RNF32: variants seen among roughly 807,000 people sequenced by gnomAD.
RNF32 encodes the protein ring finger protein 32.
In RNF32, 36 loss-of-function variants were observed where a neutral mutation model predicts 41.0. The ratio of observed to expected loss-of-function variants is 0.88; its 90% confidence interval spans 0.67 to 1.16. The LOEUF is 1.16. RNF32 is among the 50% of genes most tolerant of loss of function. The pLI is 0.00. For missense variants in RNF32, 413 were observed against 436.7 expected (o/e 0.95, Z 0.48); for synonymous variants, 154 against 160.9 (o/e 0.96, Z 0.32).
intron 3 of RNF32, among the ~76,000 whole-genome samples, chr7:156,648,914 A>T (rs1158167067): frequency 6.6e-6 from 1 of 152,058 alleles, no homozygotes; most frequent in African/African-American, 2.4e-5. Flanking sequence ...CTTTAGATAT[A>T]CTTCACCATT....
Position 156,653,766 on chromosome 7 carries a change from C to A in RNF32, c.275-810C>A, listed in dbSNP as rs572336413. 1.8e-4 allele frequency among the ~76,000 whole-genome samples: 27 copies of A among 152,236 alleles called. No individual in the cohort carries two copies. In the South Asian group the frequency reaches 3.9e-3, roughly 22 times the overall value. On this transcript the variant is annotated intron_variant, in intron 3 of 8. Transcript: ENST00000317955. The stretch of plus-strand genomic sequence containing the variant: ...CGAGACAGCACATGGTGGGTACCCA[C>A]GTGTTATTGAAATAAGAACTTTATT...
rs1359008848 is a variant in RNF32, at chr7:156,669,006, A to G, written c.685-6690A>G. The G allele has an allele frequency of 1.3e-5, 2 of 152,274 alleles. No individual in the cohort carries two copies. The highest frequency in any genetic ancestry group is 2.1e-4 in the South Asian group (1 of 4,828). The allele number at this position is 152,274 out of a possible 1,614,324, so 9.4% of individuals were successfully genotyped here. A position where few individuals can be genotyped will look rare whatever the true frequency, so the allele number is the denominator to read the frequency against. On this transcript the variant is annotated intron_variant, in intron 7 of 8. Transcript: ENST00000317955. The surrounding 1 kb of genome is among the most constrained non-coding windows in gnomAD (Gnocchi z 4.2). ...AGGAAGAAAAAAGTATGAATTGTTAATAAGTGTAAAAATGATATTTGGTTA... is the reference window on the plus strand; with the variant it reads ...AGGAAGAAAAAAGTATGAATTGTTAGTAAGTGTAAAAATGATATTTGGTTA...
In RNF32 at chr7:156,644,502, C is replaced by A; in HGVS notation, c.19C>A (p.His7Asn). The A allele has an allele frequency of 6.2e-7, 1 of 1,607,432 alleles. No individual in the cohort carries two copies. Among genetic ancestry groups the A allele is most frequent in the South Asian group, 1.1e-5 (1 of 90,448 alleles). The change falls in exon 3 of 9, where the codon CAC (histidine) becomes AAC (asparagine). Residue 7 changes from histidine to asparagine, a missense_variant. Physicochemically the swap from His to Asn is moderately conservative, Grantham distance 68. Transcript: ENST00000317955. MLKNKG[H>N]SSKKDNLAVN... ...TGACTTTTTTCCTACTTTTTAGGGT[C>A]ACTCATCTAAGAAAGATAACTTGGC...
In RNF32 at chr7:156,643,903, C is replaced by A. The variant is rs186946130; in HGVS notation, c.15+11C>A. On this transcript the variant is annotated intron_variant, in intron 2 of 8. Coordinates refer to ENST00000317955, the MANE Select transcript of RNF32 (RefSeq NM_030936.4). ...ATGTTAAAAAATAAGGTACGCTATT[C>A]TTTTCTTAAACATACACGTTATTTG... 72 of 1,607,534 alleles carry A rather than the reference C, an allele frequency of 4.5e-5. 1 individual carries two copies. In the African/African-American group the frequency reaches 8.3e-4, roughly 18 times the overall value.
intron 7 of RNF32, chr7:156,659,380 G>A (rs1800249800): frequency 1.0e-6 from 1 of 986,122 alleles, no homozygotes; most frequent in Non-Finnish European, 1.2e-6. Context: ...CTGATCTTCA[G>A]AGATCATTCG....
intron 7 of RNF32, among the ~76,000 whole-genome samples, chr7:156,672,080 T>G (rs1802676046): frequency 1.3e-5 from 2 of 152,220 alleles, no homozygotes; most frequent in South Asian, 4.1e-4. Flanking sequence ...AGTTTGTGAT[T>G]CTTATGTATA....
At chr7:156,651,314 A>T (rs1450898584) in intron 3 of RNF32, among the ~76,000 whole-genome samples, 1 of 151,592 alleles carries the variant, frequency 6.6e-6, no homozygotes, top group African/African-American at 2.4e-5. Context: ...CCCGGGTTCA[A>T]GCGATTCTCG....
intron 3 of RNF32, among the ~76,000 whole-genome samples, chr7:156,649,562 C>T (rs1447775851): frequency 6.6e-6 from 1 of 152,026 alleles, no homozygotes; most frequent in Admixed American, 6.6e-5. Flanking sequence ...TGTTTGTTGG[C>T]CTTTATCTAA....
At chr7:156,673,496 A>G (rs1272733446) in intron 7 of RNF32, among the ~76,000 whole-genome samples, 2 of 152,228 alleles carry the variant, frequency 1.3e-5, no homozygotes, top group African/African-American at 2.4e-5. Flanking sequence ...CTAAATTAAG[A>G]TACAGCTGCT....
intron 2 of RNF32, among the ~76,000 whole-genome samples, 186 bp from the exon 3 acceptor site, chr7:156,644,313 C>T (rs1220475325): frequency 1.3e-5 from 2 of 152,092 alleles, no homozygotes; most frequent in African/African-American, 4.8e-5. Flanking sequence ...AAAAGATATT[C>T]CTGTATTGTT....
chr7:156,640,642 G>C, upstream of RNF32: 1 of 383,546 alleles, frequency 2.6e-6, no homozygotes, highest in Non-Finnish European at 5.1e-6. Context: ...GGCCGGGCGG[G>C]GCTGGCGAGC....
chr7:156,657,732 C>T, intron 5 of RNF32, 159 bp downstream of exon 5: 1 of 711,566 alleles, frequency 1.4e-6, no homozygotes, highest in Non-Finnish European at 2.5e-6. Context: ...CAGTACAATT[C>T]ATCCTATTTT....
At position 156,660,115 on chromosome 7, in the gene RNF32, C is replaced by T. The variant is rs971762575; in HGVS notation, c.684+1545C>T. On this transcript the variant is annotated intron_variant, in intron 7 of 8. Transcript: ENST00000317955. ...CTGCCTCCTCGTCCTGAGCCCTCAT[C>T]GCTCGGAACGCCCCGCTCTGATCCC... 8.1e-6 allele frequency: 8 copies of T among 985,718 alleles called. No homozygotes were observed. In the Admixed American group the frequency reaches 1.8e-4, roughly 23 times the overall value. 61.1% of individuals were successfully genotyped at this position (985,718 alleles called of 1,614,324 possible). A position where few individuals can be genotyped will look rare whatever the true frequency, so the allele number is the denominator to read the frequency against.
intron 7 of RNF32, among the ~76,000 whole-genome samples, chr7:156,671,042 G>C (rs1802373871): frequency 6.6e-6 from 1 of 152,080 alleles, no homozygotes; most frequent in Admixed American, 6.5e-5. Context: ...ATTGGTTCGA[G>C]GGATAAAAAT....
At chr7:156,663,654 TGATGA>T in intron 7 of RNF32, among the ~76,000 whole-genome samples, 1 of 152,182 alleles carries the variant, frequency 6.6e-6, no homozygotes, top group East Asian at 1.9e-4. Flanking sequence ...AAAGACAGAT[TGATGA>T]GATAGAACAG....
rs369264171 is a variant in RNF32 at position 156,657,325 on chromosome 7, GTTTA to G, written c.418-212_418-209del. On this transcript the variant is annotated intron_variant, in intron 4 of 8. Transcript: ENST00000317955. ...AATAGTTAAATATCAAACTTCATGT[GTTTA>G]TTTGATATTTCAGATCATGAATTTT... 811 of 570,826 alleles carry G rather than the reference GTTTA, an allele frequency of 1.4e-3. 4 individuals carry two copies. Among genetic ancestry groups the G allele is most frequent in the South Asian group, 4.5e-3 (204 of 44,854 alleles). 35.4% of individuals were successfully genotyped at this position (570,826 alleles called of 1,614,324 possible).
At chr7:156,665,076 T>C (rs1408147975) in intron 7 of RNF32, among the ~76,000 whole-genome samples, 1 of 152,232 alleles carries the variant, frequency 6.6e-6, no homozygotes, top group Non-Finnish European at 1.5e-5. Context: ...ATTTTCTCCT[T>C]ACATTTGTCC....
Position 156,643,897 on chromosome 7 carries a change from G to T in RNF32, c.15+5G>T. ...TTCGGCATGTTAAAAAATAAGGTAC[G>T]CTATTCTTTTCTTAAACATACACGT... On this transcript the variant is annotated splice_donor_5th_base_variant and intron_variant, in intron 2 of 8. Coordinates refer to ENST00000317955, the MANE Select transcript of RNF32 (RefSeq NM_030936.4). 2 of 1,608,970 alleles carry T rather than the reference G, an allele frequency of 1.2e-6. No individual in the cohort carries two copies. The highest frequency in any genetic ancestry group is 8.5e-7 in the Non-Finnish European group (1 of 1,175,756).
intron 7 of RNF32, 71 bp from the exon 8 acceptor site, chr7:156,675,625 G>A (rs1422658817): frequency 3.0e-6 from 4 of 1,342,416 alleles, no homozygotes; most frequent in Non-Finnish European, 4.2e-6. Flanking sequence ...AGATGGTCAG[G>A]CTCGAGAGCG....
Sources: gnomAD v4.1 joint callset for allele counts (sites outside exome capture counted in the v4.1 genomes callset) on GRCh38, gnomAD v4.1.1 for gene constraint, Gnocchi (gnomAD v3.1) non-coding constraint, MANE v1.5 for transcripts, NCBI Gene and HGNC (gene_info 2026-07-23, HGNC 2026-07-21) for gene names.